RPRD2: variants seen among roughly 807,000 people sequenced by gnomAD.
RPRD2 encodes regulation of nuclear pre-mRNA domain containing 2.
In RPRD2, 12 loss-of-function variants were observed where a neutral mutation model predicts 104.4. The observed-to-expected ratio is 0.11, with a 90% CI of 0.07 to 0.19. The LOEUF (loss-of-function observed/expected upper bound fraction) is 0.19, where lower values mean the gene tolerates loss of function less well. Ranked by LOEUF, RPRD2 falls within the 10% of genes least tolerant of loss-of-function variation. The pLI is 1.00. For synonymous variants in RPRD2, 714 were observed against 684.9 expected (o/e 1.04, Z -0.66); for missense variants, 1,543 against 1,790.1 (o/e 0.86, Z 2.49).
intron 2 of RPRD2, among the ~76,000 whole-genome samples, chr1:150,437,671 C>G (rs189978665): frequency 6.6e-6 from 1 of 152,168 alleles, no homozygotes; most frequent in Non-Finnish European, 1.5e-5. Context: ...ACTCGAACCC[C>G]TGGTCTCAAC....
At chr1:150,415,500 T>G (rs1040179245) in intron 1 of RPRD2, among the ~76,000 whole-genome samples, 10 of 151,020 alleles carry the variant, frequency 6.6e-5, no homozygotes, top group African/African-American at 2.4e-4. Context: ...CTGGGCAACA[T>G]GGCAAACCCT....
intron 6 of RPRD2, among the ~76,000 whole-genome samples, chr1:150,444,994 C>T (rs955742213): frequency 7.2e-5 from 11 of 152,168 alleles, no homozygotes; most frequent in African/African-American, 2.4e-4. Flanking sequence ...TGAGACTAGC[C>T]TGGGCAACAT....
At chr1:150,437,977 T>TA (rs35517552) in intron 2 of RPRD2, among the ~76,000 whole-genome samples, 1,530 of 129,618 alleles carry the variant, frequency 0.012, 11 homozygotes, top group Non-Finnish European at 0.015. Flanking sequence ...TGTCATTATT[T>TA]AAAAAAAAAA....
rs897888784 is a variant in RPRD2, at chr1:150,476,014, C to T, written c.*2680C>T. 1 of 152,110 alleles carries T rather than the reference C, an allele frequency of 6.6e-6. No individual in the cohort carries two copies. The highest frequency in any genetic ancestry group is 1.5e-5 in the Non-Finnish European group (1 of 68,016). 9.4% of individuals were successfully genotyped at this position (152,110 alleles called of 1,614,324 possible). A position where few individuals can be genotyped will look rare whatever the true frequency, so the allele number is the denominator to read the frequency against. On this transcript the variant is annotated 3_prime_UTR_variant, in exon 11 of 11. Transcript: ENST00000369068. ...GTAGGGGTTGTGAATACACTAGTAC[C>T]ACTTAAAGTTCAGTGATACAGTTCA...
At chr1:150,443,430 T>C in intron 5 of RPRD2, 147 bp downstream of exon 5, 1 of 525,800 alleles carries the variant, frequency 1.9e-6, no homozygotes, top group Non-Finnish European at 3.2e-6. Context: ...GGAACCCAGA[T>C]TGGGATTAGA....
chr1:150,387,566 C>CTTTTTTTTT (rs1661661325), intron 1 of RPRD2, among the ~76,000 whole-genome samples: 12 of 70,130 alleles, frequency 1.7e-4, no homozygotes, highest in East Asian at 5.7e-4. Flanking sequence ...TTGCAACAGA[C>CTTTTTTTTT]CTTTTTTTTT....
chr1:150,371,387 G>A (rs782481107), intron 1 of RPRD2, among the ~76,000 whole-genome samples: 6 of 152,016 alleles, frequency 3.9e-5, no homozygotes, highest in Non-Finnish European at 5.9e-5. Flanking sequence ...TTTTTGAGAC[G>A]GAGTCTCTCT....
chr1:150,399,475 G>A (rs587762014), intron 1 of RPRD2, among the ~76,000 whole-genome samples: 8 of 152,190 alleles, frequency 5.3e-5, no homozygotes, highest in Non-Finnish European at 1.0e-4. Context: ...ATCGATTGCC[G>A]GCTGGGCGCG....
chr1:150,366,725 G>C (rs1659870914), intron 1 of RPRD2, among the ~76,000 whole-genome samples: 1 of 152,154 alleles, frequency 6.6e-6, no homozygotes. Flanking sequence ...AATGTTTAAC[G>C]TTCTTGGTAT....
intron 1 of RPRD2, among the ~76,000 whole-genome samples, chr1:150,379,061 T>G (rs1255968641): frequency 5.3e-5 from 7 of 133,068 alleles, no homozygotes; most frequent in Admixed American, 2.3e-4. Flanking sequence ...AGCAGACAGA[T>G]CACAAGGTGA....
chr1:150,441,065 G>T, intron 3 of RPRD2, 42 bp downstream of exon 3: 1 of 975,706 alleles, frequency 1.0e-6, no homozygotes. Flanking sequence ...TTTTGAGTCA[G>T]TCTTTACAAT....
At chr1:150,464,444 C>G (rs1349606794) in intron 9 of RPRD2, 83 bp from the exon 10 acceptor site, 1 of 962,408 alleles carries the variant, frequency 1.0e-6, no homozygotes. Flanking sequence ...TTAAATATAT[C>G]AAACTCATTG....
chr1:150,395,093 G>A (rs7546610), intron 1 of RPRD2, among the ~76,000 whole-genome samples: 18,250 of 152,052 alleles, frequency 0.12, 1,552 homozygotes, highest in African/African-American at 0.23. Flanking sequence ...AGATTTTGGT[G>A]CACTCATCCC....
intron 2 of RPRD2, among the ~76,000 whole-genome samples, chr1:150,425,901 A>G (rs1665089399): frequency 6.6e-6 from 1 of 152,084 alleles, no homozygotes; most frequent in Non-Finnish European, 1.5e-5. Flanking sequence ...ACCTAAGCCC[A>G]GGAGTGTGAG....
intron 2 of RPRD2, among the ~76,000 whole-genome samples, chr1:150,434,671 C>A (rs1431204836): frequency 2.0e-5 from 3 of 151,872 alleles, no homozygotes; most frequent in Non-Finnish European, 2.9e-5. Flanking sequence ...CAAAAATTAG[C>A]CAGGTGGTAG....
intron 1 of RPRD2, among the ~76,000 whole-genome samples, chr1:150,384,340 C>T (rs1661377646): frequency 6.6e-6 from 1 of 151,468 alleles, no homozygotes; most frequent in East Asian, 1.9e-4. Context: ...AGAAGACATC[C>T]GATATATAAG....
chr1:150,425,511 C>T (rs1432201040), intron 2 of RPRD2, among the ~76,000 whole-genome samples: 6 of 151,722 alleles, frequency 4.0e-5, no homozygotes, highest in Admixed American at 1.3e-4. Flanking sequence ...GGCGTGGTGG[C>T]GCATACCTAT....
At chr1:150,463,805 T>C (rs1215130006) in intron 9 of RPRD2, among the ~76,000 whole-genome samples, 1 of 152,210 alleles carries the variant, frequency 6.6e-6, no homozygotes, top group Non-Finnish European at 1.5e-5. Context: ...GCAGTATTTA[T>C]TGAGCGCCTA....
At chr1:150,437,369 G>A (rs1666076194) in intron 2 of RPRD2, among the ~76,000 whole-genome samples, 1 of 152,130 alleles carries the variant, frequency 6.6e-6, no homozygotes, top group African/African-American at 2.4e-5. Flanking sequence ...GGTGGTGCAT[G>A]CCTGCAGTCC....
Sources: gnomAD v4.1 joint callset for allele counts (sites outside exome capture counted in the v4.1 genomes callset) on GRCh38, gnomAD v4.1.1 for gene constraint, MANE v1.5 for transcripts, NCBI Gene and HGNC (gene_info 2026-07-23, HGNC 2026-07-21) for gene names.